Variants in NNT observed in about 807,000 individuals in gnomAD.
NNT encodes the protein nicotinamide nucleotide transhydrogenase.
NNT carries 50 observed loss-of-function variants against 104.8 expected under a neutral mutation model. That is an observed-to-expected ratio of 0.48 (90% CI 0.38 to 0.60). The LOEUF (loss-of-function observed/expected upper bound fraction) is 0.60, where lower values mean the gene tolerates loss of function less well. NNT is among the 20% of genes least tolerant of loss of function. The pLI is 0.00. For missense variants in NNT, 1,131 were observed against 1,330.7 expected (o/e 0.85, Z 2.33); for synonymous variants, 461 against 490.4 (o/e 0.94, Z 0.79).
chr5:43,661,937 T>A (rs1424486417), intron 17 of NNT, among the ~76,000 whole-genome samples: 2 of 152,138 alleles, frequency 1.3e-5, no homozygotes, highest in East Asian at 3.9e-4. Flanking sequence ...AGTAATGGGA[T>A]GGCTGGGTCA....
In NNT at chr5:43,702,742, G is replaced by C; in HGVS notation, c.3111+6G>C. ...AGGTCTGGAAATCAAAGCAGGTAAA[G>C]TTTCAGACTTGTATTTCATTCTGAT... On this transcript the variant is annotated splice_donor_region_variant and intron_variant, in intron 21 of 21. Coordinates refer to ENST00000344920, the MANE Select transcript of NNT (RefSeq NM_182977.3). 1.3e-6 allele frequency: 2 copies of C among 1,579,362 alleles called. No individual in the cohort carries two copies. Among genetic ancestry groups the C allele is most frequent in the Non-Finnish European group, 1.7e-6 (2 of 1,153,176 alleles).
At chr5:43,620,486 C>G (rs1398064298) in intron 5 of NNT, among the ~76,000 whole-genome samples, 1 of 152,166 alleles carries the variant, frequency 6.6e-6, no homozygotes, top group Non-Finnish European at 1.5e-5. Context: ...TCCCGAAGTG[C>G]TGGGATTACA....
intron 19 of NNT, among the ~76,000 whole-genome samples, chr5:43,690,457 A>G (rs192142599): frequency 7.6e-4 from 116 of 152,200 alleles, no homozygotes; most frequent in African/African-American, 2.3e-3. Flanking sequence ...GGCCTGGGGG[A>G]ATTAGGAGAT....
intron 5 of NNT, among the ~76,000 whole-genome samples, chr5:43,622,701 C>A (rs1422298982): frequency 6.6e-6 from 1 of 152,086 alleles, no homozygotes; most frequent in East Asian, 1.9e-4. Flanking sequence ...AGCAGCTTGC[C>A]GAAGATCACC....
chr5:43,675,676 G>GA lies in NNT; in HGVS notation c.2794+13dup. On this transcript the variant is annotated splice_region_variant and intron_variant, in intron 18 of 21. Transcript: ENST00000344920. ...TAGCATTATTATTACACCAGGTAAA[G>GA]AAAAAAAGCAAAAGCAAATAACCTA... 6.3e-7 allele frequency: 1 copy of GA among 1,576,028 alleles called. No homozygotes were observed. Among genetic ancestry groups the GA allele is most frequent in the Non-Finnish European group, 8.6e-7 (1 of 1,163,462 alleles).
At chr5:43,689,839 A>AT (rs1369031232) in intron 19 of NNT, among the ~76,000 whole-genome samples, 1 of 152,228 alleles carries the variant, frequency 6.6e-6, no homozygotes, top group Non-Finnish European at 1.5e-5. Context: ...ACCTCTGGAA[A>AT]TTAAGGACAC....
intron 1 of NNT, 37 bp downstream of exon 1, chr5:43,603,331 G>T (rs977646806): frequency 5.2e-5 from 8 of 152,936 alleles, no homozygotes; most frequent in African/African-American, 1.9e-4. Flanking sequence ...GGGCAGCCGG[G>T]GCGCGCGCCT....
At chr5:43,645,285 A>T in intron 9 of NNT, 72 bp from the exon 10 acceptor site, 2 of 914,656 alleles carry the variant, frequency 2.2e-6, no homozygotes, top group Non-Finnish European at 3.0e-6. Context: ...TTTAAAAAAT[A>T]GTATATTCCT....
At position 43,700,218 on chromosome 5, in the gene NNT, G is replaced by T; in HGVS notation, c.2976G>T (p.Glu992Asp). Residue 992 changes from glutamate (E) to aspartate (D), a missense_variant, in exon 20 of 22, where the codon GAG becomes GAT. Transcript: ENST00000344920. ...ATGACATTGTGTTGGAAATGGATGA[G>T]ATCAACCATGATTTTCCAGGTAAGT... ...VPYDIVLEMD[E>D]INHDFPDTDL... 2 of 1,611,916 alleles carry T rather than the reference G, an allele frequency of 1.2e-6. No individual in the cohort carries two copies. The highest frequency in any genetic ancestry group is 1.7e-6 in the Non-Finnish European group (2 of 1,178,416).
intron 19 of NNT, among the ~76,000 whole-genome samples, chr5:43,696,065 C>G (rs1284491622): frequency 6.6e-6 from 1 of 152,188 alleles, no homozygotes; most frequent in East Asian, 1.9e-4. Flanking sequence ...GCCTTCCCAA[C>G]CATCCCCCAA....
intron 19 of NNT, among the ~76,000 whole-genome samples, chr5:43,685,595 G>A (rs1741946585): frequency 6.6e-6 from 1 of 152,126 alleles, no homozygotes; most frequent in Non-Finnish European, 1.5e-5. Context: ...TGTACTTACA[G>A]TTTCTTTGTG....
intron 17 of NNT, among the ~76,000 whole-genome samples, chr5:43,661,255 T>C (rs1254096735): frequency 6.6e-6 from 1 of 152,182 alleles, no homozygotes; most frequent in Non-Finnish European, 1.5e-5. Context: ...GAAATTGTAC[T>C]AGAAATACAG....
intron 20 of NNT, among the ~76,000 whole-genome samples, chr5:43,701,872 T>C (rs1011612279): frequency 2.0e-5 from 3 of 152,202 alleles, no homozygotes; most frequent in African/African-American, 7.2e-5. Context: ...CACTTGTATG[T>C]GTTCTTTTGA....
At chr5:43,656,105 A>G in intron 15 of NNT, 32 bp downstream of exon 15, 1 of 1,554,834 alleles carries the variant, frequency 6.4e-7, no homozygotes, top group Non-Finnish European at 8.9e-7. Flanking sequence ...AGAGGTAAAT[A>G]TCTACTGTTT....
At chr5:43,668,760 T>G (rs1056951146) in intron 17 of NNT, among the ~76,000 whole-genome samples, 2 of 152,224 alleles carry the variant, frequency 1.3e-5, no homozygotes, top group African/African-American at 4.8e-5. Context: ...CCTGGCAATG[T>G]GAGCTCTTTT....
intron 17 of NNT, among the ~76,000 whole-genome samples, chr5:43,665,154 G>A (rs1382804421): frequency 6.6e-6 from 1 of 151,836 alleles, no homozygotes; most frequent in Non-Finnish European, 1.5e-5. Flanking sequence ...CTGCAGGACT[G>A]TGTAATAAGG....
At chr5:43,614,741 C>T (rs1256178668) in intron 3 of NNT, among the ~76,000 whole-genome samples, 1 of 152,192 alleles carries the variant, frequency 6.6e-6, no homozygotes, top group East Asian at 1.9e-4. Context: ...CTATTGCTAA[C>T]TAGGAACTAA....
chr5:43,650,561 C>T lies in NNT; in HGVS notation c.1691C>T (p.Ala564Val), dbSNP rs1739704300. The T allele has an allele frequency of 1.2e-6, 2 of 1,613,960 alleles. No individual in the cohort carries two copies. Among genetic ancestry groups the T allele is most frequent in the East Asian group, 2.2e-5 (1 of 44,880 alleles). ...TTSQGLAALAAFISSVNIAGG... is the reference protein window; with the variant it reads ...TTSQGLAALAVFISSVNIAGG... ...TCTCAGGGCCTTGCTGCTCTTGCTG[C>T]ATTCATATCCTCTGTCAACATTGCA... The change falls in exon 12 of 22, where the codon GCA becomes GTA. Residue 564 changes from alanine (A) to valine (V), a missense_variant. Physicochemically the swap from Ala to Val is moderately conservative, Grantham distance 64. Transcript: ENST00000344920.
chr5:43,624,224 G>C, intron 6 of NNT, 104 bp downstream of exon 6: 1 of 924,516 alleles, frequency 1.1e-6, no homozygotes, highest in South Asian at 1.3e-5. Flanking sequence ...CATTGCAACT[G>C]GTCTATAAGC....
Sources: allele counts gnomAD v4.1 joint callset (sites outside exome capture counted in the v4.1 genomes callset), GRCh38; gene constraint gnomAD v4.1.1; transcripts MANE v1.5; gene names NCBI Gene and HGNC (gene_info 2026-07-23, HGNC 2026-07-21).